GNL3L: variants seen among roughly 807,000 people sequenced by gnomAD.
GNL3L encodes guanine nucleotide-binding protein-like 3-like protein.
A neutral mutation model predicts 42.9 loss-of-function variants in GNL3L; 4 were observed. The observed-to-expected ratio is 0.09, with a 90% CI of 0.05 to 0.21. The LOEUF (loss-of-function observed/expected upper bound fraction) is 0.21. Among genes scored for constraint, GNL3L ranks in the 10% least tolerant of loss-of-function variants. GNL3L has a pLI of 1.00. For missense variants in GNL3L, 412 were observed against 481.7 expected (o/e 0.86, Z 1.36); for synonymous variants, 159 against 176.3 (o/e 0.90, Z 0.78).
At position 54,563,289 on chromosome X, in the gene GNL3L, C is replaced by G. The variant is rs184726758; in HGVS notation, c.*2687C>G. 9.6e-4 allele frequency among the ~76,000 whole-genome samples: 107 copies of G among 111,619 alleles called. No homozygotes were observed. Among genetic ancestry groups the G allele is most frequent in the African/African-American group, 3.4e-3 (103 of 30,727 alleles). ...AAAGCAGTATACATTCAGAATGCACCTCTACTTATGATGGGGCTACTTCCT... is the reference window on the plus strand; with the variant it reads ...AAAGCAGTATACATTCAGAATGCACGTCTACTTATGATGGGGCTACTTCCT... On this transcript the variant is annotated 3_prime_UTR_variant, in exon 16 of 16. Transcript: ENST00000360845.
chrX:54,627,394 CT>C, the GNL3L span, among the ~76,000 whole-genome samples: 10 of 105,825 alleles, frequency 9.4e-5, no homozygotes, highest in Admixed American at 2.0e-4. Context: ...GGTCTTCTCT[CT>C]TTTTTTTTTC....
the GNL3L span, among the ~76,000 whole-genome samples, chrX:54,632,992 G>T: frequency 9.0e-6 from 1 of 111,201 alleles, no homozygotes; most frequent in Admixed American, 9.6e-5. Context: ...TTCTCCTAAG[G>T]ACGGGGCTTC....
intron 2 of GNL3L, among the ~76,000 whole-genome samples, chrX:54,538,405 G>A (rs1323806737): frequency 8.9e-6 from 1 of 111,755 alleles, no homozygotes; most frequent in Non-Finnish European, 1.9e-5. Flanking sequence ...ATTAAAGGGA[G>A]CCATTCTTCC....
chrX:54,544,730 G>A (rs181711978), intron 8 of GNL3L, among the ~76,000 whole-genome samples: 2 of 110,495 alleles, frequency 1.8e-5, no homozygotes, highest in Non-Finnish European at 3.8e-5. Context: ...CACCCACCTC[G>A]GCCTCCCAAT....
In GNL3L at chrX:54,607,072, CTCTTTCTTTCTTCTTTCTT is replaced by C. The variant is rs1926094745; in HGVS notation, c.*46-13760_*46-13742del. ...TCTTTCTTTCTTTCTTTCTTTCTTT[CTCTTTCTTTCTTCTTTCTT>C]TCTTTCTTTCTTTCTTTCTTTCTTT... On this transcript the variant is annotated intron_variant, in intron 16 of 16. Transcript: ENST00000674498. Among the ~76,000 whole-genome samples the C allele has an allele frequency of 8.8e-3, 201 of 22,831 alleles. 3 individuals are homozygous for C. Among genetic ancestry groups the C allele is most frequent in the African/African-American group, 0.026 (165 of 6,396 alleles). 19.8% of individuals were successfully genotyped at this position (22,831 alleles called of 115,157 possible).
chrX:54,614,304 G>A (rs1003568421), intron 16 of GNL3L, among the ~76,000 whole-genome samples: 12 of 111,311 alleles, frequency 1.1e-4, no homozygotes, highest in Admixed American at 3.8e-4. Context: ...GTTTCCAGGC[G>A]GAGGACATGA....
intron 16 of GNL3L, among the ~76,000 whole-genome samples, chrX:54,575,773 G>C (rs1252453375): frequency 9.0e-6 from 1 of 110,653 alleles, no homozygotes; most frequent in Non-Finnish European, 1.9e-5. Flanking sequence ...AGCCGGGCGT[G>C]GTGGCGCATG....
chrX:54,583,686 C>T (rs947382914), intron 16 of GNL3L, among the ~76,000 whole-genome samples: 4 of 111,091 alleles, frequency 3.6e-5, no homozygotes, highest in East Asian at 2.8e-4. Flanking sequence ...CTGTCACCCA[C>T]GTTGCAGTGT....
At chrX:54,555,272 C>T (rs772028307) in intron 14 of GNL3L, among the ~76,000 whole-genome samples, 64 of 110,505 alleles carry the variant, frequency 5.8e-4, no homozygotes, top group Non-Finnish European at 1.1e-3. Context: ...CCTCGGCCTT[C>T]CAAAGTGCTA....
At chrX:54,602,606 C>T (rs752073666) in intron 16 of GNL3L, among the ~76,000 whole-genome samples, 5 of 111,499 alleles carry the variant, frequency 4.5e-5, no homozygotes, top group African/African-American at 1.6e-4. Flanking sequence ...ATGTCACTCC[C>T]ACCATTAGGT....
chrX:54,549,392 C>T (rs972093398), intron 9 of GNL3L, among the ~76,000 whole-genome samples: 9 of 111,883 alleles, frequency 8.0e-5, no homozygotes, highest in African/African-American at 9.7e-5. Context: ...GCTCCCCCAA[C>T]GCGCATAGAA....
In GNL3L at chrX:54,616,583, T is replaced by C. The variant is rs760490270; in HGVS notation, c.*46-4262T>C. 1.3e-3 allele frequency among the ~76,000 whole-genome samples: 150 copies of C among 111,581 alleles called. 1 individual carries two copies. Among genetic ancestry groups the C allele is most frequent in the Non-Finnish European group, 2.2e-3 (116 of 53,124 alleles). On this transcript the variant is annotated intron_variant, in intron 16 of 16. Coordinates refer to the GNL3L transcript ENST00000674498. ...AGTTTTTGTTCCCGTTTTAGTTTTT[T>C]CCCCCCCTGAACCTAACAACTCCTT...
At chrX:54,610,640 T>C (rs1926151680) in intron 16 of GNL3L, among the ~76,000 whole-genome samples, 1 of 111,898 alleles carries the variant, frequency 8.9e-6, no homozygotes, top group African/African-American at 3.2e-5. Flanking sequence ...GTTCGTGTGG[T>C]GTATCACATT....
intron 5 of GNL3L, 141 bp from the exon 6 acceptor site, chrX:54,542,814 A>C (rs2015436641): frequency 4.6e-6 from 2 of 437,539 alleles, no homozygotes; most frequent in Non-Finnish European, 8.2e-6. Flanking sequence ...ATGGTATTTC[A>C]TTGTGGTTTT....
intron 16 of GNL3L, among the ~76,000 whole-genome samples, chrX:54,591,438 C>G (rs1925870446): frequency 9.2e-6 from 1 of 109,256 alleles, no homozygotes; most frequent in African/African-American, 3.3e-5. Flanking sequence ...ACTAAAAATA[C>G]AAAAATTAGC....
At chrX:54,607,051 T>TCTTC (rs1926084831) in intron 16 of GNL3L, among the ~76,000 whole-genome samples, 8 of 71,180 alleles carry the variant, frequency 1.1e-4, no homozygotes, top group Non-Finnish European at 1.9e-4. Context: ...TTTCTTTCTT[T>TCTTC]CTTTCTTTCT....
rs1328330031 is a variant in GNL3L, at chrX:54,564,668, A to C, written c.*4066A>C. On this transcript the variant is annotated 3_prime_UTR_variant, in exon 16 of 16. Transcript: ENST00000360845. ...TGATCCTCCTGCCTCAGCCTCCCAA[A>C]GTGCTGGGATTACAAGAGTGAGCCA... Among the ~76,000 whole-genome samples the C allele has an allele frequency of 1.9e-5, 2 of 105,365 alleles. No individual in the cohort carries two copies. Among genetic ancestry groups the C allele is most frequent in the African/African-American group, 3.5e-5 (1 of 28,698 alleles). The allele number at this position is 105,365 out of a possible 115,157, so 91.5% of individuals were successfully genotyped here. A position where few individuals can be genotyped will look rare whatever the true frequency, so the allele number is the denominator to read the frequency against.
intron 16 of GNL3L, among the ~76,000 whole-genome samples, chrX:54,609,795 A>G (rs1241048044): frequency 1.8e-5 from 2 of 111,229 alleles, no homozygotes; most frequent in Non-Finnish European, 3.8e-5. Flanking sequence ...TGCCTCCACA[A>G]TTGTTCTTTT....
the GNL3L span, among the ~76,000 whole-genome samples, chrX:54,634,836 C>CA: frequency 2.3e-5 from 2 of 86,430 alleles, no homozygotes; most frequent in African/African-American, 9.1e-5. Context: ...GTCACGCAGG[C>CA]TGGAGTGCAG....
Sources: allele counts gnomAD v4.1 joint callset (sites outside exome capture counted in the v4.1 genomes callset), GRCh38; gene constraint gnomAD v4.1.1; transcripts MANE v1.5; gene names NCBI Gene and HGNC (gene_info 2026-07-23, HGNC 2026-07-21).